Variants in WWOX observed in about 807,000 individuals in gnomAD.
WWOX encodes the protein WW domain containing oxidoreductase.
A neutral mutation model predicts 46.2 loss-of-function variants in WWOX; 69 were observed. The ratio of observed to expected loss-of-function variants is 1.49; its 90% CI spans 1.23 to 1.82. WWOX has a LOEUF of 1.82. Ranked by LOEUF, WWOX falls within the 40% of genes most tolerant of loss-of-function variation. WWOX has a pLI of 0.00. For synonymous variants in WWOX, 359 were observed against 202.6 expected, an observed-to-expected ratio of 1.77 and a Z score of -6.56; for missense variants, 919 against 542.6, an observed-to-expected ratio of 1.69 and a Z score of -6.89.
At chr16:78,659,637 C>T (rs933832517) in intron 8 of WWOX, among the ~76,000 whole-genome samples, 5 of 152,182 alleles carry the variant, frequency 3.3e-5, no homozygotes, top group Non-Finnish European at 5.9e-5. Context: ...ATCTCTGCCT[C>T]CATCGGAGCG....
intron 8 of WWOX, among the ~76,000 whole-genome samples, chr16:79,036,277 C>G (rs555517475): frequency 1.3e-5 from 2 of 152,358 alleles, no homozygotes; most frequent in African/African-American, 2.4e-5. Flanking sequence ...CTGACTCCCA[C>G]CAGATAATGC....
chr16:78,476,351 C>T (rs963826666), intron 8 of WWOX, among the ~76,000 whole-genome samples: 6 of 150,826 alleles, frequency 4.0e-5, no homozygotes, highest in Admixed American at 2.6e-4. Context: ...CAAACTGTTG[C>T]AAGGACAAAA....
Position 78,803,836 on chromosome 16 carries a change from C to G in WWOX, c.1056+371084C>G, listed in dbSNP as rs115373907. Among the ~76,000 whole-genome samples, 742 of 152,132 alleles carry G rather than the reference C, an allele frequency of 4.9e-3. 11 individuals are homozygous for G. The highest frequency in any genetic ancestry group is 0.017 in the African/African-American group (698 of 41,490). On this transcript the variant is annotated intron_variant, in intron 8 of 8. Coordinates refer to ENST00000566780, the MANE Select transcript of WWOX (RefSeq NM_016373.4). Reference sequence around the variant, plus strand: ...ATGGAGGAATTTTAAAAGAATTGAACAAATAAAATAGTCAGAGCTCAAAAA... The same window carrying G: ...ATGGAGGAATTTTAAAAGAATTGAAGAAATAAAATAGTCAGAGCTCAAAAA...
chr16:78,816,136 C>T (rs575950868), intron 8 of WWOX, among the ~76,000 whole-genome samples: 3 of 152,160 alleles, frequency 2.0e-5, no homozygotes, highest in East Asian at 1.9e-4. Context: ...AGGCAGAATC[C>T]AGTATCTGTT....
chr16:78,387,397 G>A (rs547751577), intron 6 of WWOX, among the ~76,000 whole-genome samples: 17 of 152,276 alleles, frequency 1.1e-4, no homozygotes, highest in African/African-American at 3.9e-4. Context: ...ATGATTTGAT[G>A]TGGTACATGG....
chr16:78,938,249 G>A (rs374168355), intron 8 of WWOX, among the ~76,000 whole-genome samples: 2 of 152,320 alleles, frequency 1.3e-5, no homozygotes, highest in South Asian at 2.1e-4. Context: ...CTAGAGGTGA[G>A]GTGGGGAAAG....
intron 8 of WWOX, among the ~76,000 whole-genome samples, chr16:79,151,654 T>C (rs1171847186): frequency 1.3e-5 from 2 of 149,706 alleles, no homozygotes; most frequent in Non-Finnish European, 3.0e-5. Context: ...TGCCTGCAGA[T>C]CAGGGGTGCT....
At chr16:79,147,596 C>G (rs2050204707) in intron 8 of WWOX, among the ~76,000 whole-genome samples, 1 of 152,152 alleles carries the variant, frequency 6.6e-6, no homozygotes, top group Admixed American at 6.5e-5. Flanking sequence ...TTTCTTTTCT[C>G]TGGGATAAAT....
chr16:79,021,866 T>C (rs1206001573), intron 8 of WWOX, among the ~76,000 whole-genome samples: 1 of 152,172 alleles, frequency 6.6e-6, no homozygotes, highest in African/African-American at 2.4e-5. Flanking sequence ...GTGCCAGTTA[T>C]AAAGGAGCAG....
At chr16:78,789,780 T>C (rs2050547793) in intron 8 of WWOX, among the ~76,000 whole-genome samples, 2 of 152,178 alleles carry the variant, frequency 1.3e-5, no homozygotes, top group African/African-American at 4.8e-5. Context: ...GACATACAAC[T>C]TGCAGGAAAA....
chr16:78,454,352 A>G (rs866017869), intron 8 of WWOX, among the ~76,000 whole-genome samples: 1 of 30,816 alleles, frequency 3.2e-5, no homozygotes, highest in Non-Finnish European at 5.4e-5. Flanking sequence ...ATACTTATGT[A>G]TATTCGTGTG....
At chr16:78,450,820 C>CT (rs1429415495) in intron 8 of WWOX, among the ~76,000 whole-genome samples, 1 of 152,072 alleles carries the variant, frequency 6.6e-6, no homozygotes, top group Non-Finnish European at 1.5e-5. Flanking sequence ...CAGATTTCCT[C>CT]TAAGAAAGAT....
At chr16:78,996,309 A>G (rs1429321723) in intron 8 of WWOX, 3 of 983,082 alleles carry the variant, frequency 3.1e-6, no homozygotes, top group African/African-American at 3.5e-5. Context: ...TGCCTTGTGG[A>G]TGTTTTTCTA....
rs190995742 is a variant in WWOX, at chr16:78,260,862, G to A, written c.516+96573G>A. 1.0e-3 allele frequency among the ~76,000 whole-genome samples: 155 copies of A among 148,368 alleles called. 1 individual carries two copies. The highest frequency in any genetic ancestry group is 3.0e-4 in the African/African-American group (12 of 39,870). On this transcript the variant is annotated intron_variant, in intron 5 of 8. Transcript: ENST00000566780. ...TGAGGCAGGAGAATCACTCGAACCC[G>A]GGAGGTGGAGGTTGCAGTGAGCCGA...
At chr16:78,424,122 T>TC (rs2083020232) in intron 6 of WWOX, among the ~76,000 whole-genome samples, 2 of 116,396 alleles carry the variant, frequency 1.7e-5, no homozygotes, top group South Asian at 6.6e-4. Context: ...TTTTTTTTGT[T>TC]TTTTTTTTTT....
intron 5 of WWOX, among the ~76,000 whole-genome samples, chr16:78,300,163 T>C (rs1220719788): frequency 1.3e-5 from 2 of 152,236 alleles, no homozygotes; most frequent in African/African-American, 4.8e-5. Flanking sequence ...AAAAGTAATT[T>C]AATCTTCTAG....
intron 4 of WWOX, among the ~76,000 whole-genome samples, chr16:78,119,925 C>G (rs551462241): frequency 1.3e-5 from 2 of 152,048 alleles, no homozygotes; most frequent in Admixed American, 6.6e-5. Flanking sequence ...TTTCACCTTG[C>G]GAACCTTTAG....
intron 5 of WWOX, among the ~76,000 whole-genome samples, chr16:78,319,075 G>T (rs2080412729): frequency 6.6e-6 from 1 of 152,146 alleles, no homozygotes; most frequent in Admixed American, 6.5e-5. Context: ...TAATTGCCAG[G>T]ATTCCTAAAA....
chr16:78,503,166 T>G lies in WWOX; in HGVS notation c.1056+70414T>G, dbSNP rs575769518. Reference sequence around the variant, plus strand: ...AAGAGAACCTGAGAATCTCTATTTATGTCTGACCCCAGGAAATTCCCTTTA... The same window carrying G: ...AAGAGAACCTGAGAATCTCTATTTAGGTCTGACCCCAGGAAATTCCCTTTA... On this transcript the variant is annotated intron_variant, in intron 8 of 8. Transcript: ENST00000566780. Among the ~76,000 whole-genome samples the G allele has an allele frequency of 7.2e-4, 110 of 152,336 alleles. 1 individual carries two copies. Among genetic ancestry groups the G allele is most frequent in the African/African-American group, 2.5e-3 (106 of 41,576 alleles).
Sources: gnomAD v4.1 joint callset for allele counts (sites outside exome capture counted in the v4.1 genomes callset) on GRCh38, gnomAD v4.1.1 for gene constraint, MANE v1.5 for transcripts, NCBI Gene and HGNC (gene_info 2026-07-23, HGNC 2026-07-21) for gene names.